RXRA: variants seen among roughly 807,000 people sequenced by gnomAD.
The protein encoded by RXRA is retinoid X receptor alpha.
A neutral mutation model predicts 44.5 loss-of-function variants in RXRA; 5 were observed. That is an observed-to-expected ratio of 0.11 (90% CI 0.06 to 0.24). RXRA has a LOEUF of 0.24. RXRA is among the 10% of genes least tolerant of loss of function. The probability of loss-of-function intolerance (pLI) is 1.00; values close to 1 mark genes in which losing one functional copy is unlikely to be tolerated. For synonymous variants in RXRA, 291 were observed against 271.4 expected (o/e 1.07, Z -0.71); for missense variants, 412 against 646.5 (o/e 0.64, Z 3.93).
At chr9:134,396,772 G>A (rs545905488) in intron 1 of RXRA, among the ~76,000 whole-genome samples, 1 of 152,178 alleles carries the variant, frequency 6.6e-6, no homozygotes, top group Non-Finnish European at 1.5e-5. Flanking sequence ...TTCCTGGGGC[G>A]CCAGATTGGA....
intron 1 of RXRA, among the ~76,000 whole-genome samples, chr9:134,334,113 C>A (rs192326016): frequency 6.6e-6 from 1 of 152,264 alleles, no homozygotes; most frequent in Non-Finnish European, 1.5e-5. Flanking sequence ...AGTGATCCCA[C>A]GCCTGTGTTA....
chr9:134,386,368 G>A (rs948649849), intron 1 of RXRA, among the ~76,000 whole-genome samples: 12 of 152,268 alleles, frequency 7.9e-5, no homozygotes, highest in Non-Finnish European at 1.6e-4. Flanking sequence ...CCTGGCGGGC[G>A]GGGGACCGCA....
intron 1 of RXRA, among the ~76,000 whole-genome samples, chr9:134,390,556 C>T (rs527382091): frequency 3.9e-5 from 6 of 152,302 alleles, no homozygotes; most frequent in Admixed American, 6.5e-5. Flanking sequence ...TGAGCCTGAC[C>T]CGGGCCCTCA....
At chr9:134,374,105 A>G (rs1206276351) in intron 1 of RXRA, 1 of 152,244 alleles carries the variant, frequency 6.6e-6, no homozygotes, top group Non-Finnish European at 1.5e-5. Flanking sequence ...GTGTCGGTTA[A>G]TCGTCACGGC....
At chr9:134,351,619 G>A (rs1281035940) in intron 1 of RXRA, among the ~76,000 whole-genome samples, 1 of 152,256 alleles carries the variant, frequency 6.6e-6, no homozygotes, top group Admixed American at 6.5e-5. Flanking sequence ...GAGGGTGCCG[G>A]CTCCGTTTCA....
chr9:134,335,080 T>C (rs1200013377), intron 1 of RXRA, among the ~76,000 whole-genome samples: 1 of 152,184 alleles, frequency 6.6e-6, no homozygotes, highest in Admixed American at 6.5e-5. Flanking sequence ...GAACCTTCCA[T>C]GGCACCCCAT....
intron 1 of RXRA, among the ~76,000 whole-genome samples, chr9:134,382,367 G>A (rs2119104514): frequency 6.6e-6 from 1 of 152,232 alleles, no homozygotes; most frequent in South Asian, 2.1e-4. Context: ...TGGGAGGAGT[G>A]AGGCCTGGGG....
chr9:134,390,746 G>A (rs1027888560), intron 1 of RXRA, among the ~76,000 whole-genome samples: 3 of 152,148 alleles, frequency 2.0e-5, no homozygotes, highest in Non-Finnish European at 2.9e-5. Flanking sequence ...GCGGGCTGAC[G>A]TCCCGTTCTT....
chr9:134,433,251 C>T lies in RXRA; in HGVS notation c.1136-851C>T, dbSNP rs1356332319. ...AGTCATGCCACGGCCCGGCCCGGCC[C>T]GAGGAATCCCCATTCAGGTCCTGTG... On this transcript the variant is annotated intron_variant, in intron 8 of 9. Transcript: ENST00000481739. This position sits in a 1 kb window ranked among gnomAD's most constrained non-coding sequence, Gnocchi z 4.2. Among the ~76,000 whole-genome samples the T allele has an allele frequency of 6.6e-6, 1 of 152,176 alleles. No homozygotes were observed. Among genetic ancestry groups the T allele is most frequent in the South Asian group, 2.1e-4 (1 of 4,828 alleles).
intron 1 of RXRA, among the ~76,000 whole-genome samples, chr9:134,374,717 C>T (rs1251609333): frequency 6.6e-6 from 1 of 152,266 alleles, no homozygotes; most frequent in African/African-American, 2.4e-5. Context: ...CTGGCGACTT[C>T]CTTCTTCAGT....
chr9:134,419,940 G>A (rs1588301488), intron 5 of RXRA, among the ~76,000 whole-genome samples: 1 of 152,220 alleles, frequency 6.6e-6, no homozygotes, highest in Non-Finnish European at 1.5e-5. Flanking sequence ...GCACACTGCA[G>A]GCACATGACA....
chr9:134,373,827 C>G (rs1234594298), intron 1 of RXRA, among the ~76,000 whole-genome samples: 2 of 152,264 alleles, frequency 1.3e-5, no homozygotes, highest in African/African-American at 2.4e-5. Context: ...CCTTTGTTTT[C>G]TAATTTATTT....
intron 1 of RXRA, among the ~76,000 whole-genome samples, chr9:134,341,609 C>T (rs1178973063): frequency 1.3e-5 from 2 of 152,210 alleles, no homozygotes; most frequent in Non-Finnish European, 2.9e-5. Flanking sequence ...TTGGAGGAGG[C>T]GTGGGCATGG....
chr9:134,422,232 C>G (rs1309881747), intron 6 of RXRA: 1 of 1,286,486 alleles, frequency 7.8e-7, no homozygotes, highest in Admixed American at 2.3e-5. Context: ...ACATACTCCC[C>G]ACTCCTGGGA....
rs768035002 is a variant in RXRA, at chr9:134,431,983, C to G, written c.1122C>G (p.Val374=). ...KTELGCLRAI[V]LFNPDSKGLS... is the part of the protein sequence containing the mutation. ...AGCTGGGCTGCCTGCGCGCCATCGT[C>G]CTCTTTAACCCTGGTATGGCCTTCC... is the stretch of plus-strand genomic sequence containing the variant. The change falls in exon 8 of 10, where the codon GTC becomes GTG. Residue 374 remains valine (V), a synonymous_variant. Coordinates refer to ENST00000481739, the MANE Select transcript of RXRA (RefSeq NM_002957.6). 4 of 1,613,598 alleles carry G rather than the reference C, an allele frequency of 2.5e-6. No individual in the cohort carries two copies. The highest frequency in any genetic ancestry group is 3.3e-5 in the Admixed American group (2 of 60,016).
At position 134,423,653 on chromosome 9, in the gene RXRA, C is replaced by T. The variant is rs114948186; in HGVS notation, c.910+1848C>T. The T allele has an allele frequency of 1.5e-3, 1,485 of 985,472 alleles. 15 individuals are homozygous for T. In the African/African-American group the frequency reaches 0.024, roughly 16 times the overall value. 61.0% of individuals were successfully genotyped at this position (985,472 alleles called of 1,614,324 possible). On this transcript the variant is annotated intron_variant, in intron 6 of 9. Transcript: ENST00000481739. ...GGCCTCGTGTCTGGTGGGTCCTTGC[C>T]CCTCTGGGCCTGAGGCATGTGGCTG...
At chr9:134,354,772 G>A (rs983843603) in intron 1 of RXRA, among the ~76,000 whole-genome samples, 1 of 152,220 alleles carries the variant, frequency 6.6e-6, no homozygotes, top group African/African-American at 2.4e-5. Context: ...GGCCAAACCT[G>A]CCTCCGCTGT....
In RXRA at chr9:134,440,354, T is replaced by C. The variant is rs1564304235; in HGVS notation, c.*3740T>C. On this transcript the variant is annotated 3_prime_UTR_variant, in exon 10 of 10. Coordinates refer to ENST00000481739, the MANE Select transcript of RXRA (RefSeq NM_002957.6). ...AGGCTTTCAAGGGTTTTCTTCCCTT[T>C]CGAGTAATTTTTAAAGCCTTGCTCT... is the stretch of plus-strand genomic sequence containing the variant. 6.6e-6 allele frequency: 1 copy of C among 152,400 alleles called. No homozygotes were observed. The highest frequency in any genetic ancestry group is 1.5e-5 in the Non-Finnish European group (1 of 68,028). The allele number at this position is 152,400 out of a possible 1,614,324, so 9.4% of individuals were successfully genotyped here.
intron 1 of RXRA, among the ~76,000 whole-genome samples, chr9:134,369,674 G>A (rs552066502): frequency 2.0e-5 from 3 of 151,958 alleles, no homozygotes; most frequent in Non-Finnish European, 4.4e-5. Context: ...TGGGAGTCAT[G>A]GGCCTGGGTT....
Sources: allele counts gnomAD v4.1 joint callset (sites outside exome capture counted in the v4.1 genomes callset), GRCh38; gene constraint gnomAD v4.1.1; non-coding constraint Gnocchi (gnomAD v3.1); transcripts MANE v1.5; gene names NCBI Gene and HGNC (gene_info 2026-07-23, HGNC 2026-07-21).